ARHGAP19: variants seen among roughly 807,000 people sequenced by gnomAD.
ARHGAP19 encodes the protein rho GTPase-activating protein 19.
In ARHGAP19, 48 loss-of-function variants were observed where a neutral mutation model predicts 60.9. The ratio of observed to expected loss-of-function variants is 0.79; its 90% CI spans 0.62 to 1.00. The LOEUF (loss-of-function observed/expected upper bound fraction) is 1.00, where lower values mean the gene tolerates loss of function less well. Among genes scored for constraint, ARHGAP19 ranks in the 50% least tolerant of loss-of-function variants. The pLI, the probability that ARHGAP19 is intolerant of heterozygous loss-of-function variation, is 0.00. For synonymous variants in ARHGAP19, 209 were observed against 215.5 expected, an observed-to-expected ratio of 0.97 and a Z score of 0.27; for missense variants, 562 against 597.2, an observed-to-expected ratio of 0.94 and a Z score of 0.61.
chr10:97,233,993 G>A (rs182943095), intron 9 of ARHGAP19, among the ~76,000 whole-genome samples: 24 of 151,970 alleles, frequency 1.6e-4, no homozygotes, highest in South Asian at 1.5e-3. Context: ...CTGGCCAGAC[G>A]CAATGGCTTA....
chr10:97,262,607 G>A (rs1842845899), intron 4 of ARHGAP19, among the ~76,000 whole-genome samples: 1 of 152,170 alleles, frequency 6.6e-6, no homozygotes, highest in Non-Finnish European at 1.5e-5. Flanking sequence ...GGAGGTTGCA[G>A]TGAGCCGAGA....
At chr10:97,229,308 T>C in intron 10 of ARHGAP19, 83 bp from the exon 11 acceptor site, 1 of 1,155,706 alleles carries the variant, frequency 8.7e-7, no homozygotes, top group Middle Eastern at 1.9e-4. Flanking sequence ...GAATTATTTG[T>C]TCAATTTCAA....
chr10:97,239,833 G>A (rs1425797889), intron 8 of ARHGAP19, among the ~76,000 whole-genome samples: 5 of 151,246 alleles, frequency 3.3e-5, no homozygotes, highest in Admixed American at 1.3e-4. Flanking sequence ...TCAGCCTCCC[G>A]AGTAGCTGGG....
intron 1 of ARHGAP19, among the ~76,000 whole-genome samples, chr10:97,292,065 T>A (rs1253402): frequency 0.86 from 130,184 of 152,198 alleles, 56,103 homozygotes; most frequent in Non-Finnish European, 0.91. Context: ...TCTTGACACT[T>A]GGAAATAGGC....
At chr10:97,230,244 CT>C (rs906093562) in intron 9 of ARHGAP19, among the ~76,000 whole-genome samples, 31 of 152,186 alleles carry the variant, frequency 2.0e-4, no homozygotes, top group Admixed American at 3.3e-4. Flanking sequence ...CAAAGATGTG[CT>C]GTCTCTGGCA....
At chr10:97,231,976 G>GT (rs1309066041) in intron 9 of ARHGAP19, among the ~76,000 whole-genome samples, 11 of 130,026 alleles carry the variant, frequency 8.5e-5, no homozygotes, top group African/African-American at 3.1e-4. Flanking sequence ...GTTATTTTCC[G>GT]TTGTTTTTTT....
intron 1 of ARHGAP19, among the ~76,000 whole-genome samples, chr10:97,271,788 A>T (rs1219897903): frequency 1.3e-5 from 2 of 151,742 alleles, no homozygotes; most frequent in Non-Finnish European, 2.9e-5. Context: ...GGAGATATAT[A>T]TATTTATTTA....
chr10:97,252,489 T>G (rs1028456170), intron 6 of ARHGAP19, among the ~76,000 whole-genome samples: 14 of 152,022 alleles, frequency 9.2e-5, no homozygotes, highest in African/African-American at 3.4e-4. Context: ...CCGGGCGTGG[T>G]GGCAGGTGCC....
chr10:97,283,414 C>G (rs1280792382), intron 1 of ARHGAP19, among the ~76,000 whole-genome samples: 1 of 151,846 alleles, frequency 6.6e-6, no homozygotes, highest in African/African-American at 2.4e-5. Context: ...AATTAGCCAG[C>G]ATGGTGGCGC....
At position 97,224,756 on chromosome 10, in the gene ARHGAP19, C is replaced by T. The variant is rs948083029; in HGVS notation, c.*1366G>A. The T allele has an allele frequency of 9.2e-5, 14 of 152,342 alleles. No homozygotes were observed. Among genetic ancestry groups the T allele is most frequent in the African/African-American group, 3.1e-4 (13 of 41,468 alleles). 9.4% of individuals were successfully genotyped at this position (152,342 alleles called of 1,614,324 possible). A position where few individuals can be genotyped will look rare whatever the true frequency, so the allele number is the denominator to read the frequency against. ...ACAGCTCCACAGAGCCAGGCACAAA[C>T]CTGAGCATTCCCCCCTGCTACATGC... On this transcript the variant is annotated 3_prime_UTR_variant, in exon 12 of 12. Coordinates refer to ENST00000358531, the MANE Select transcript of ARHGAP19 (RefSeq NM_032900.6).
intron 8 of ARHGAP19, 68 bp downstream of exon 8, chr10:97,243,900 G>T: frequency 7.2e-7 from 1 of 1,389,552 alleles, no homozygotes; most frequent in South Asian, 1.4e-5. Flanking sequence ...TTAACAATAT[G>T]ACCTACTGAT....
chr10:97,244,202 A>G (rs1842530142), intron 7 of ARHGAP19, 43 bp from the exon 8 acceptor site: 2 of 1,519,046 alleles, frequency 1.3e-6, no homozygotes, highest in African/African-American at 1.4e-5. Flanking sequence ...ATATCCTGCC[A>G]ACTTTGTTTT....
intron 9 of ARHGAP19, among the ~76,000 whole-genome samples, chr10:97,234,562 T>C (rs912567726): frequency 8.5e-5 from 13 of 152,186 alleles, no homozygotes; most frequent in Admixed American, 7.2e-4. Flanking sequence ...TGCATGGAAA[T>C]TTGAACCCCA....
At chr10:97,292,394 G>A (rs1448099502) in intron 1 of ARHGAP19, among the ~76,000 whole-genome samples, 178 bp downstream of exon 1, 6 of 152,242 alleles carry the variant, frequency 3.9e-5, no homozygotes, top group Admixed American at 6.5e-5. Context: ...GGGTTTGGCT[G>A]GAGTCCAGCG....
Position 97,273,062 on chromosome 10 carries a change from G to A in ARHGAP19, c.57-6937C>T, listed in dbSNP as rs531612852. On this transcript the variant is annotated intron_variant, in intron 1 of 11. Transcript: ENST00000358531. ...TCACCGTGTTAGCCAGGATGGTCTC[G>A]ATCTCCTGACCTTGTGATCCGCCCG... is the stretch of plus-strand genomic sequence containing the variant. Among the ~76,000 whole-genome samples the A allele has an allele frequency of 5.8e-3, 886 of 152,064 alleles. 3 individuals are homozygous for A. Among genetic ancestry groups the A allele is most frequent in the Non-Finnish European group, 9.1e-3 (616 of 67,974 alleles).
intron 6 of ARHGAP19, among the ~76,000 whole-genome samples, chr10:97,254,700 T>G (rs939512970): frequency 2.6e-5 from 4 of 152,150 alleles, no homozygotes; most frequent in African/African-American, 9.7e-5. Context: ...TTCATAAAAT[T>G]TTTTTAAATT....
intron 8 of ARHGAP19, among the ~76,000 whole-genome samples, chr10:97,241,302 TCTTTTA>T (rs1842477448): frequency 2.6e-5 from 4 of 151,386 alleles, no homozygotes; most frequent in African/African-American, 9.7e-5. Context: ...TCAAATATGA[TCTTTTA>T]CTTAAGATCA....
chr10:97,225,541 G>A lies in ARHGAP19; in HGVS notation c.*581C>T, dbSNP rs1850880006. ...TATAAATTCTTTGGACACAAATTAG[G>A]TATTGAGGAATACAGCCTCATAAGA... On this transcript the variant is annotated 3_prime_UTR_variant, in exon 12 of 12. Coordinates refer to ENST00000358531, the MANE Select transcript of ARHGAP19 (RefSeq NM_032900.6). 1 of 152,176 alleles carries A rather than the reference G, an allele frequency of 6.6e-6. No individual in the cohort carries two copies. Among genetic ancestry groups the A allele is most frequent in the Admixed American group, 6.5e-5 (1 of 15,278 alleles). The allele number at this position is 152,176 out of a possible 1,614,324, so 9.4% of individuals were successfully genotyped here. A position where few individuals can be genotyped will look rare whatever the true frequency, so the allele number is the denominator to read the frequency against.
At chr10:97,283,138 G>A (rs368774538) in intron 1 of ARHGAP19, among the ~76,000 whole-genome samples, 39 of 151,972 alleles carry the variant, frequency 2.6e-4, no homozygotes, top group Non-Finnish European at 3.4e-4. Context: ...CCACCCGCCC[G>A]GCTGTTACTA....
Sources: gnomAD v4.1 joint callset for allele counts (sites outside exome capture counted in the v4.1 genomes callset) on GRCh38, gnomAD v4.1.1 for gene constraint, MANE v1.5 for transcripts, NCBI Gene and HGNC (gene_info 2026-07-23, HGNC 2026-07-21) for gene names.